ATP1A2: variants seen among roughly 807,000 people sequenced by gnomAD.
ATP1A2 encodes the protein sodium/potassium-transporting ATPase subunit alpha-2.
Under a neutral mutation model 113.1 loss-of-function variants are expected in ATP1A2, and 56 were observed. The ratio of observed to expected loss-of-function variants is 0.49; its 90% CI spans 0.40 to 0.62. ATP1A2 has a LOEUF of 0.62. Ranked by LOEUF, ATP1A2 falls within the 20% of genes least tolerant of loss-of-function variation. The pLI is 0.00. For synonymous variants in ATP1A2, 490 were observed against 526.8 expected, an observed-to-expected ratio of 0.93 and a Z score of 0.96; for missense variants, 712 against 1,357.8, an observed-to-expected ratio of 0.52 and a Z score of 7.47.
chr1:160,125,964 G>C (rs1455368474), intron 7 of ATP1A2, among the ~76,000 whole-genome samples: 1 of 152,176 alleles, frequency 6.6e-6, no homozygotes, highest in Non-Finnish European at 1.5e-5. Context: ...GGAGTAGGAG[G>C]GAAGAGACAG....
At chr1:160,125,557 A>T (rs1267024328) in intron 7 of ATP1A2, 1 of 395,780 alleles carries the variant, frequency 2.5e-6, no homozygotes, top group Non-Finnish European at 4.8e-6. Context: ...ATGCGCACAC[A>T]CAGATGCACA....
intron 11 of ATP1A2, 135 bp from the exon 12 acceptor site, chr1:160,129,967 A>G (rs1570989832): frequency 8.8e-7 from 1 of 1,140,492 alleles, no homozygotes; most frequent in African/African-American, 1.5e-5. Flanking sequence ...CCCCTGCACA[A>G]GGAGATTCTC....
intron 17 of ATP1A2, 21 bp downstream of exon 17, chr1:160,136,014 AG>A (rs1553245809): frequency 6.2e-7 from 1 of 1,613,846 alleles, no homozygotes; most frequent in Non-Finnish European, 8.5e-7. Context: ...GAGGTGGAGG[AG>A]GGGACAGGCA....
intron 17 of ATP1A2, 111 bp from the exon 18 acceptor site, chr1:160,136,136 T>C (rs1161484465): frequency 6.2e-7 from 1 of 1,600,092 alleles, no homozygotes; most frequent in African/African-American, 1.3e-5. Flanking sequence ...GGGGTCTGAA[T>C]ACACGCTTTT....
chr1:160,124,193 G>A (rs1334101749), intron 5 of ATP1A2, 103 bp from the exon 6 acceptor site: 3 of 1,553,482 alleles, frequency 1.9e-6, no homozygotes, highest in Admixed American at 1.9e-5. Context: ...GCACCTAATT[G>A]TTTATGGGGC....
chr1:160,128,255 G>C (rs1651648438), intron 8 of ATP1A2: 1 of 428,028 alleles, frequency 2.3e-6, no homozygotes, highest in African/African-American at 2.0e-5. Context: ...CACTATCCTG[G>C]TTCGCCTCTC....
rs775082165 is a variant in ATP1A2, at chr1:160,139,604, C to A, written c.2841-36C>A. The A allele has an allele frequency of 6.9e-6, 11 of 1,589,748 alleles. No homozygotes were observed. In the South Asian group the frequency reaches 1.2e-4, roughly 18 times the overall value. The stretch of plus-strand genomic sequence containing the variant: ...TCCCAGGATCTCTGCCTCCATGATC[C>A]CCCTTCACCTGCCACCTCCTTTCTT... On this transcript the variant is annotated intron_variant, in intron 20 of 22. Coordinates refer to ENST00000361216, the MANE Select transcript of ATP1A2 (RefSeq NM_000702.4).
intron 17 of ATP1A2, 43 bp from the exon 18 acceptor site, chr1:160,136,204 T>A (rs376623033): frequency 1.2e-6 from 2 of 1,613,708 alleles, no homozygotes; most frequent in Non-Finnish European, 1.7e-6. Flanking sequence ...ATCTCCTACG[T>A]CCCTTCAAAT....
chr1:160,135,147 A>T lies in ATP1A2; in HGVS notation c.1967A>T (p.Glu656Val), dbSNP rs772648691. 2.5e-6 allele frequency: 4 copies of T among 1,614,110 alleles called. No individual in the cohort carries two copies. Among genetic ancestry groups the T allele is most frequent in the Non-Finnish European group, 3.4e-6 (4 of 1,180,004 alleles). Residue 656 changes from glutamate to valine, a missense_variant and splice_region_variant, in exon 15 of 23, where the codon GAA becomes GTA. Glu to Val is a moderately radical substitution (Grantham distance 121, BLOSUM62 -2). Coordinates refer to ENST00000361216, the MANE Select transcript of ATP1A2 (RefSeq NM_000702.4). This position sits in a 1 kb window ranked among gnomAD's most constrained non-coding sequence, Gnocchi z 6.3. ...NIPMSQVNPREAKACVVHGSD... is the reference protein window; with the variant it reads ...NIPMSQVNPRVAKACVVHGSD... ...CTCTGTCCCCACCCACCCTCCAGAG[A>T]AGCCAAGGCATGCGTGGTGCACGGC...
At chr1:160,118,925 G>A (rs1418886316) in intron 1 of ATP1A2, among the ~76,000 whole-genome samples, 2 of 152,000 alleles carry the variant, frequency 1.3e-5, no homozygotes, top group Non-Finnish European at 2.9e-5. Flanking sequence ...AAAGTCTTAG[G>A]GCAGTGAAGC....
intron 8 of ATP1A2, 121 bp from the exon 9 acceptor site, chr1:160,128,531 C>T (rs1558005698): frequency 6.4e-6 from 10 of 1,561,160 alleles, no homozygotes; most frequent in Non-Finnish European, 8.7e-6. Flanking sequence ...AGCTAAGTCC[C>T]ACCCATTCAA....
chr1:160,137,960 A>G (rs1652010507), intron 20 of ATP1A2, among the ~76,000 whole-genome samples: 4 of 152,040 alleles, frequency 2.6e-5, no homozygotes, highest in Admixed American at 2.6e-4. Context: ...ATACTAATGG[A>G]AAAAAAATGC....
rs575097456 is a variant in ATP1A2 at position 160,135,008 on chromosome 1, G to A, written c.1965-137G>A. On this transcript the variant is annotated intron_variant, in intron 14 of 22. Transcript: ENST00000361216. The surrounding 1 kb of genome is among the most constrained non-coding windows in gnomAD (Gnocchi z 6.3). ...AGAAATGGGGGAAGTGAGTACTGAG[G>A]AGAGGAGAACTGAAGCAACAGGGGA... 10 of 1,093,502 alleles carry A rather than the reference G, an allele frequency of 9.1e-6. No individual in the cohort carries two copies. The highest frequency in any genetic ancestry group is 5.1e-5 in the East Asian group (2 of 39,140). 67.7% of individuals were successfully genotyped at this position (1,093,502 alleles called of 1,614,324 possible). A position where few individuals can be genotyped will look rare whatever the true frequency, so the allele number is the denominator to read the frequency against.
Position 160,139,750 on chromosome 1 carries a change from CTCTT to C in ATP1A2, c.2942+12_2942+15del, listed in dbSNP as rs1652072892. On this transcript the variant is annotated intron_variant, in intron 21 of 22. Coordinates refer to ENST00000361216, the MANE Select transcript of ATP1A2 (RefSeq NM_000702.4). ...CGCATGTACCCGCTCAAGTGAGTGT[CTCTT>C]TCGGGCGGCCTGAGTAGTCATACGG... The C allele has an allele frequency of 6.2e-7, 1 of 1,613,976 alleles. No homozygotes were observed. Among genetic ancestry groups the C allele is most frequent in the African/African-American group, 1.3e-5 (1 of 74,934 alleles).
intron 6 of ATP1A2, 67 bp from the exon 7 acceptor site, chr1:160,125,069 C>T: frequency 7.6e-7 from 1 of 1,314,968 alleles, no homozygotes; most frequent in Non-Finnish European, 1.1e-6. Flanking sequence ...GGAGGTGGTT[C>T]AGGAGACAGC....
intron 20 of ATP1A2, among the ~76,000 whole-genome samples, chr1:160,139,427 A>G (rs964427077): frequency 6.6e-6 from 1 of 152,242 alleles, no homozygotes; most frequent in Non-Finnish European, 1.5e-5. Context: ...ATATACGTGC[A>G]ATAGACAACA....
Position 160,135,577 on chromosome 1 carries a change from C to T in ATP1A2, c.2259C>T (p.Ala753=), listed in dbSNP as rs17846715. ...ADMILLDDNF[A]SIVTGVEEGR... Reference sequence around the variant, plus strand: ...TGATCCTGCTGGATGACAACTTTGCCTCCATCGTCACGGGGGTGGAGGAGG... The same window carrying T: ...TGATCCTGCTGGATGACAACTTTGCTTCCATCGTCACGGGGGTGGAGGAGG... The change falls in exon 16 of 23, where the codon GCC becomes GCT. Residue 753 remains alanine, a synonymous_variant. Coordinates refer to ENST00000361216, the MANE Select transcript of ATP1A2 (RefSeq NM_000702.4). The surrounding 1 kb of genome is among the most constrained non-coding windows in gnomAD (Gnocchi z 6.3). 0.11 allele frequency: 181,683 copies of T among 1,614,000 alleles called. 10,999 individuals carry two copies. The highest frequency in any genetic ancestry group is 0.13 in the Admixed American group (7,690 of 60,008).
intron 18 of ATP1A2, 48 bp downstream of exon 18, chr1:160,136,418 T>C: frequency 6.2e-7 from 1 of 1,613,042 alleles, no homozygotes; most frequent in African/African-American, 1.3e-5. Flanking sequence ...AGGGTTCTTT[T>C]CCCAGCTTTC....
intron 13 of ATP1A2, among the ~76,000 whole-genome samples, chr1:160,132,640 G>C (rs932985099): frequency 6.6e-6 from 1 of 152,168 alleles, no homozygotes; most frequent in Non-Finnish European, 1.5e-5. Context: ...GCAGTAGCAG[G>C]CTTGGTGGGG....
Sources: allele counts gnomAD v4.1 joint callset (sites outside exome capture counted in the v4.1 genomes callset), GRCh38; gene constraint gnomAD v4.1.1; non-coding constraint Gnocchi (gnomAD v3.1); transcripts MANE v1.5; gene names NCBI Gene and HGNC (gene_info 2026-07-23, HGNC 2026-07-21).